The following LINGO2 variants were observed in gnomAD, a reference collection of about 807,000 sequenced individuals.
LINGO2 encodes leucine rich repeat and Ig domain containing 2, also known as leucine-rich repeat and immunoglobulin-like domain-containing nogo receptor-interacting protein 2.
LINGO2 carries 14 observed loss-of-function variants against 30.6 expected under a neutral mutation model. The observed-to-expected ratio is 0.46, with a 90% CI of 0.30 to 0.72. The LOEUF is 0.72. Ranked by LOEUF, LINGO2 falls within the 30% of genes least tolerant of loss-of-function variation. The pLI, the probability that LINGO2 is intolerant of heterozygous loss-of-function variation, is 0.07. For missense variants in LINGO2, 729 were observed against 751.7 expected (o/e 0.97, Z 0.35); for synonymous variants, 317 against 288.5 (o/e 1.10, Z -1.00).
At chr9:28,718,231 T>A in the LINGO2 span, among the ~76,000 whole-genome samples, 1 of 151,564 alleles carries the variant, frequency 6.6e-6, no homozygotes, top group African/African-American at 2.4e-5. Context: ...GTTAAGATGA[T>A]AAATAGCCTG....
the LINGO2 span, among the ~76,000 whole-genome samples, chr9:29,031,574 C>T: frequency 2.0e-5 from 3 of 152,044 alleles, no homozygotes; most frequent in East Asian, 3.9e-4. Flanking sequence ...TGAGCCACCG[C>T]ACCCAGCTGG....
At chr9:28,014,476 T>C (rs1338851220) in intron 4 of LINGO2, among the ~76,000 whole-genome samples, 3 of 152,150 alleles carry the variant, frequency 2.0e-5, no homozygotes, top group South Asian at 2.1e-4. Flanking sequence ...CTCTTAACCA[T>C]CCTACTATTA....
At chr9:28,020,556 CAAAACA>C (rs1460594685) in intron 4 of LINGO2, among the ~76,000 whole-genome samples, 1 of 142,874 alleles carries the variant, frequency 7.0e-6, no homozygotes, top group Non-Finnish European at 1.5e-5. Flanking sequence ...CAAAACAAAA[CAAAACA>C]AAACAAAACA....
intron 1 of LINGO2, among the ~76,000 whole-genome samples, chr9:28,589,144 T>G (rs57002456): frequency 6.6e-6 from 1 of 151,806 alleles, no homozygotes; most frequent in African/African-American, 2.4e-5. Context: ...ATTGATGGGT[T>G]GTATCTCAAA....
intron 4 of LINGO2, among the ~76,000 whole-genome samples, chr9:28,134,430 A>G (rs1020122620): frequency 6.6e-6 from 1 of 152,240 alleles, no homozygotes; most frequent in East Asian, 1.9e-4. Context: ...CCTGACTTCA[A>G]TTTGCAGAAA....
chr9:28,876,042 T>C, the LINGO2 span, among the ~76,000 whole-genome samples: 4 of 152,162 alleles, frequency 2.6e-5, no homozygotes, highest in African/African-American at 9.6e-5. Context: ...ATTAAACCCT[T>C]TCACTCCGAG....
chr9:28,988,595 T>C, the LINGO2 span, among the ~76,000 whole-genome samples: 17 of 152,228 alleles, frequency 1.1e-4, no homozygotes, highest in Non-Finnish European at 2.9e-5. Flanking sequence ...GGTTGTTGTA[T>C]TGATACATTA....
At chr9:28,364,349 T>A (rs567998580) in intron 3 of LINGO2, among the ~76,000 whole-genome samples, 2 of 152,232 alleles carry the variant, frequency 1.3e-5, no homozygotes, top group African/African-American at 4.8e-5. Flanking sequence ...TTAGTTTTTT[T>A]TTTTTCTCTA....
intron 3 of LINGO2, among the ~76,000 whole-genome samples, chr9:28,362,921 G>A (rs909489595): frequency 2.6e-5 from 4 of 152,114 alleles, no homozygotes; most frequent in African/African-American, 9.7e-5. Context: ...GATGTCTGTC[G>A]CATTTTTATT....
At chr9:28,649,855 G>C (rs1051418960) in intron 1 of LINGO2, among the ~76,000 whole-genome samples, 2 of 152,094 alleles carry the variant, frequency 1.3e-5, no homozygotes, top group Non-Finnish European at 2.9e-5. Flanking sequence ...AAAAACCAAA[G>C]AGAGAGTGCA....
At chr9:29,108,069 A>G in the LINGO2 span, among the ~76,000 whole-genome samples, 1 of 152,134 alleles carries the variant, frequency 6.6e-6, no homozygotes, top group African/African-American at 2.4e-5. Flanking sequence ...CTGCAAAACT[A>G]AATATGTTTG....
At chr9:28,848,219 TACGCATAGTGTATATATAC>T in the LINGO2 span, among the ~76,000 whole-genome samples, 3 of 91,370 alleles carry the variant, frequency 3.3e-5, no homozygotes, top group Admixed American at 2.2e-4. Flanking sequence ...ATACTATATA[TACGCATAGTGTATATATAC>T]ACACTATATA....
chr9:28,600,125 G>C (rs1430786476), intron 1 of LINGO2, among the ~76,000 whole-genome samples: 3 of 152,234 alleles, frequency 2.0e-5, no homozygotes, highest in African/African-American at 7.2e-5. Flanking sequence ...ATCATTCAGT[G>C]AGAATGATAT....
At chr9:29,038,179 C>A in the LINGO2 span, among the ~76,000 whole-genome samples, 5 of 152,142 alleles carry the variant, frequency 3.3e-5, no homozygotes, top group Non-Finnish European at 7.4e-5. Flanking sequence ...TATTCAACTT[C>A]TGTAGACAAC....
At chr9:28,030,252 C>CT (rs1823599986) in intron 4 of LINGO2, among the ~76,000 whole-genome samples, 1 of 150,368 alleles carries the variant, frequency 6.7e-6, no homozygotes, top group Non-Finnish European at 1.5e-5. Context: ...GAAAACACTT[C>CT]TTAAGTGAGG....
intron 1 of LINGO2, among the ~76,000 whole-genome samples, chr9:28,554,059 G>C (rs1044290018): frequency 7.2e-5 from 11 of 152,136 alleles, no homozygotes; most frequent in East Asian, 5.8e-4. Flanking sequence ...AAAATGTAAA[G>C]AACATCGAGA....
At chr9:28,387,574 T>C (rs1255180529) in intron 2 of LINGO2, among the ~76,000 whole-genome samples, 1 of 152,220 alleles carries the variant, frequency 6.6e-6, no homozygotes, top group African/African-American at 2.4e-5. Context: ...ACACAGTCTT[T>C]ATGAGCTGTA....
chr9:28,086,191 C>G (rs1246630173), intron 4 of LINGO2, among the ~76,000 whole-genome samples: 1 of 151,874 alleles, frequency 6.6e-6, no homozygotes. Context: ...GCCTGAAAAT[C>G]AACATTTTTA....
chr9:28,234,721 C>T (rs1821497355), intron 4 of LINGO2, among the ~76,000 whole-genome samples: 1 of 149,286 alleles, frequency 6.7e-6, no homozygotes, highest in Non-Finnish European at 1.5e-5. Context: ...GCCTCTTGTG[C>T]CTTTGGCCAC....
Sources: allele counts gnomAD v4.1 joint callset (sites outside exome capture counted in the v4.1 genomes callset), GRCh38; gene constraint gnomAD v4.1.1; transcripts MANE v1.5; gene names NCBI Gene and HGNC (gene_info 2026-07-23, HGNC 2026-07-21).